Variants in CLEC16A observed in about 807,000 individuals in gnomAD.
CLEC16A encodes C-type lectin domain containing 16A, also known as protein CLEC16A.
In CLEC16A, 51 loss-of-function variants were observed where a neutral mutation model predicts 109.5. The ratio of observed to expected loss-of-function variants is 0.47; its 90% CI spans 0.37 to 0.59. The LOEUF is 0.59. CLEC16A is among the 20% of genes least tolerant of loss of function. The pLI is 0.00. For synonymous variants in CLEC16A, 673 were observed against 564.2 expected (o/e 1.19, Z -2.73); for missense variants, 1,339 against 1,394.0 (o/e 0.96, Z 0.63).
chr16:11,093,434 G>A (rs1201182004), intron 19 of CLEC16A, among the ~76,000 whole-genome samples: 1 of 152,194 alleles, frequency 6.6e-6, no homozygotes, highest in Admixed American at 6.5e-5. Context: ...CTCAGGCAAA[G>A]GAACAAACAG....
intron 19 of CLEC16A, among the ~76,000 whole-genome samples, chr16:11,080,613 G>A (rs1339265496): frequency 6.6e-6 from 1 of 152,202 alleles, no homozygotes; most frequent in East Asian, 1.9e-4. Flanking sequence ...AGTCTGCCAC[G>A]GGTCTCACTG....
chr16:11,006,911 C>G (rs1020937052), intron 11 of CLEC16A, among the ~76,000 whole-genome samples: 1 of 151,946 alleles, frequency 6.6e-6, no homozygotes, highest in Non-Finnish European at 1.5e-5. Context: ...TCACAGGGCC[C>G]CTAAATTTGC....
rs540665325 is a variant in CLEC16A at position 10,993,957 on chromosome 16, A to G, written c.1072-9117A>G. On this transcript the variant is annotated intron_variant, in intron 10 of 23. Coordinates refer to ENST00000409790, the MANE Select transcript of CLEC16A (RefSeq NM_015226.3). ...AGGCTGGCCCCCTACAGACTTAGTG[A>G]CACGCCAGAGGTCACTTTCCAAGAG... Among the ~76,000 whole-genome samples, 13 of 152,314 alleles carry G rather than the reference A, an allele frequency of 8.5e-5. No individual in the cohort carries two copies. In the South Asian group the frequency reaches 2.7e-3, roughly 32 times the overall value.
At chr16:10,952,722 G>A (rs1261206763) in intron 1 of CLEC16A, among the ~76,000 whole-genome samples, 1 of 152,158 alleles carries the variant, frequency 6.6e-6, no homozygotes. Context: ...GACGAGCAAG[G>A]TGAAGGTGTA....
intron 4 of CLEC16A, 132 bp from the exon 5 acceptor site, chr16:10,970,993 G>A: frequency 3.2e-6 from 2 of 634,490 alleles, no homozygotes; most frequent in Non-Finnish European, 5.5e-6. Flanking sequence ...CTGACTTACG[G>A]TTCACATTGG....
At chr16:11,175,792 A>G (rs968617067) in intron 23 of CLEC16A, among the ~76,000 whole-genome samples, 2 of 152,238 alleles carry the variant, frequency 1.3e-5, no homozygotes, top group African/African-American at 4.8e-5. Flanking sequence ...ATATTTGCCT[A>G]CAAGGTTTCC....
At chr16:11,153,623 C>T (rs2054382564) in intron 22 of CLEC16A, among the ~76,000 whole-genome samples, 1 of 150,820 alleles carries the variant, frequency 6.6e-6, no homozygotes, top group Non-Finnish European at 1.5e-5. Flanking sequence ...GAATCAATTC[C>T]TCCTTTCTTC....
At chr16:11,002,729 T>G (rs1000800526) in intron 10 of CLEC16A, among the ~76,000 whole-genome samples, 2 of 152,188 alleles carry the variant, frequency 1.3e-5, no homozygotes, top group Admixed American at 6.5e-5. Context: ...AGCTCCTGCT[T>G]ATGAGAATAT....
chr16:11,151,366 TG>T (rs1382804128), intron 22 of CLEC16A, among the ~76,000 whole-genome samples: 1 of 152,232 alleles, frequency 6.6e-6, no homozygotes, highest in African/African-American at 2.4e-5. Flanking sequence ...GATGCCCACC[TG>T]GTCACACCTG....
At chr16:11,060,597 G>A (rs1235386543) in intron 18 of CLEC16A, among the ~76,000 whole-genome samples, 1 of 152,192 alleles carries the variant, frequency 6.6e-6, no homozygotes. Flanking sequence ...GCTGGGCAGG[G>A]ATTATTATGA....
At chr16:11,083,002 C>G (rs980993649) in intron 19 of CLEC16A, among the ~76,000 whole-genome samples, 7 of 152,206 alleles carry the variant, frequency 4.6e-5, no homozygotes, top group African/African-American at 1.7e-4. Flanking sequence ...TGCAACAACA[C>G]TGACCCCTGG....
intron 19 of CLEC16A, among the ~76,000 whole-genome samples, chr16:11,113,481 C>G (rs1054729174): frequency 1.3e-5 from 2 of 152,056 alleles, no homozygotes; most frequent in East Asian, 1.9e-4. Flanking sequence ...CAACATGGCA[C>G]AACCCCATCT....
intron 11 of CLEC16A, among the ~76,000 whole-genome samples, chr16:11,019,289 T>C (rs889884821): frequency 6.6e-6 from 1 of 152,238 alleles, no homozygotes; most frequent in Non-Finnish European, 1.5e-5. Context: ...AGATGTTTTC[T>C]TTGGTGGTTC....
At chr16:11,161,391 G>A (rs1221336366) in intron 22 of CLEC16A, among the ~76,000 whole-genome samples, 2 of 152,220 alleles carry the variant, frequency 1.3e-5, no homozygotes, top group African/African-American at 4.8e-5. Flanking sequence ...GCAGGGGTTT[G>A]TAAAGACAGA....
chr16:11,149,068 G>A (rs1230267772), intron 22 of CLEC16A, among the ~76,000 whole-genome samples: 3 of 152,198 alleles, frequency 2.0e-5, no homozygotes, highest in Admixed American at 6.5e-5. Context: ...TAAAGGACAG[G>A]GAGAAAGAGA....
chr16:11,059,267 T>C (rs1480714811), intron 18 of CLEC16A, among the ~76,000 whole-genome samples: 1 of 152,264 alleles, frequency 6.6e-6, no homozygotes, highest in African/African-American at 2.4e-5. Context: ...TTGTTAGAGA[T>C]GTCTTTATGA....
chr16:11,054,158 T>C (rs1419904662), intron 18 of CLEC16A, among the ~76,000 whole-genome samples: 1 of 152,228 alleles, frequency 6.6e-6, no homozygotes, highest in Non-Finnish European at 1.5e-5. Context: ...TTGAGAACCT[T>C]GGCTGTCACC....
At chr16:11,077,839 C>T (rs1241155240) in intron 19 of CLEC16A, among the ~76,000 whole-genome samples, 1 of 151,868 alleles carries the variant, frequency 6.6e-6, no homozygotes, top group Non-Finnish European at 1.5e-5. Flanking sequence ...CAGAATATGG[C>T]TAGGCGCGGT....
At chr16:11,053,990 C>G (rs1027685925) in intron 18 of CLEC16A, among the ~76,000 whole-genome samples, 1 of 152,206 alleles carries the variant, frequency 6.6e-6, no homozygotes, top group African/African-American at 2.4e-5. Context: ...CCACCTGGAG[C>G]AGGAAGTGGG....
Sources: gnomAD v4.1 joint callset for allele counts (sites outside exome capture counted in the v4.1 genomes callset) on GRCh38, gnomAD v4.1.1 for gene constraint, MANE v1.5 for transcripts, NCBI Gene and HGNC (gene_info 2026-07-23, HGNC 2026-07-21) for gene names.